TCF25: variants seen among roughly 807,000 people sequenced by gnomAD.
TCF25 encodes ribosome quality control complex subunit TCF25.
A neutral mutation model predicts 83.1 loss-of-function variants in TCF25; 41 were observed. The ratio of observed to expected loss-of-function variants is 0.49; its 90% CI spans 0.38 to 0.64. The LOEUF (loss-of-function observed/expected upper bound fraction) is 0.64. TCF25 is among the 30% of genes least tolerant of loss of function. The pLI is 0.00. For missense variants in TCF25, 979 were observed against 914.5 expected (o/e 1.07, Z -0.91); for synonymous variants, 458 against 365.0 (o/e 1.25, Z -2.90).
intron 15 of TCF25, among the ~76,000 whole-genome samples, chr16:89,906,585 T>C (rs2044804973): frequency 6.6e-6 from 1 of 152,198 alleles, no homozygotes; most frequent in East Asian, 1.9e-4. Flanking sequence ...GGGGATTCTC[T>C]GTAGTCGTGG....
At position 89,895,081 on chromosome 16, in the gene TCF25, A is replaced by C. The variant is rs2043745904; in HGVS notation, c.872A>C (p.Gln291Pro). 1 of 1,613,310 alleles carries C rather than the reference A, an allele frequency of 6.2e-7. No homozygotes were observed. ...TSPYHVDSLLQLSDACRFQED... is the reference protein window; with the variant it reads ...TSPYHVDSLLPLSDACRFQED... Reference sequence around the variant, plus strand: ...CCTTACCACGTTGACTCACTCCTGCAGCTCAGCGATGCCTGCCGCTTTCAA... The same window carrying C: ...CCTTACCACGTTGACTCACTCCTGCCGCTCAGCGATGCCTGCCGCTTTCAA... The change falls in exon 8 of 18, where the codon CAG becomes CCG. Residue 291 changes from glutamine (Q) to proline (P), a missense_variant. Physicochemically the swap from Gln to Pro is moderately conservative, Grantham distance 76. Transcript: ENST00000263346.
chr16:89,888,604 A>G (rs575667626), intron 5 of TCF25, among the ~76,000 whole-genome samples: 2 of 151,060 alleles, frequency 1.3e-5, no homozygotes, highest in Admixed American at 6.6e-5. Flanking sequence ...AAAAAAAAAG[A>G]TTCTAGTTTT....
chr16:89,893,651 C>A (rs112129263), intron 6 of TCF25, 77 bp from the exon 7 acceptor site: 1 of 1,605,968 alleles, frequency 6.2e-7, no homozygotes, highest in East Asian at 2.2e-5. Flanking sequence ...CAGAACACCA[C>A]GAAGGTGAGG....
intron 1 of TCF25, chr16:89,874,520 A>C (rs549069679): frequency 1.8e-4 from 27 of 152,748 alleles, no homozygotes; most frequent in African/African-American, 6.0e-4. Context: ...TGCCTAACCC[A>C]GGGCCTTGCT....
At chr16:89,908,609 C>G (rs1370572104) in intron 16 of TCF25, among the ~76,000 whole-genome samples, 2 of 88,316 alleles carry the variant, frequency 2.3e-5, no homozygotes, top group Admixed American at 1.1e-4. Context: ...CTCCCTCCTC[C>G]CAGCTCCCAC....
At chr16:89,877,242 T>C (rs1007055485) in intron 1 of TCF25, among the ~76,000 whole-genome samples, 2 of 152,132 alleles carry the variant, frequency 1.3e-5, no homozygotes, top group Non-Finnish European at 2.9e-5. Context: ...CTCGCTCTAT[T>C]GCCCAGGCTG....
intron 1 of TCF25, among the ~76,000 whole-genome samples, chr16:89,879,811 G>T (rs2042460808): frequency 1.5e-5 from 1 of 68,580 alleles, no homozygotes; most frequent in Non-Finnish European, 2.8e-5. Flanking sequence ...GGGCTTCGGG[G>T]CCTGTCACAC....
chr16:89,892,149 A>G, intron 5 of TCF25, 44 bp from the exon 6 acceptor site: 2 of 1,539,790 alleles, frequency 1.3e-6, no homozygotes, highest in East Asian at 2.4e-5. Context: ...TGGTCCCCAC[A>G]CGCCACAGGA....
chr16:89,901,110 A>ACCTGT, intron 12 of TCF25: 1 of 248,040 alleles, frequency 4.0e-6, no homozygotes, highest in Admixed American at 4.7e-5. Context: ...GGAGGAGAGC[A>ACCTGT]AAGCAGGGGA....
In TCF25 at chr16:89,900,641, C is replaced by T. The variant is rs146942308; in HGVS notation, c.1228C>T (p.Arg410Trp). 3.8e-6 allele frequency: 6 copies of T among 1,590,390 alleles called. No homozygotes were observed. The highest frequency in any genetic ancestry group is 2.3e-5 in the East Asian group (1 of 44,180). The change falls in exon 12 of 18, where the codon CGG (arginine) becomes TGG (tryptophan). Residue 410 changes from arginine to tryptophan, a missense_variant. Transcript: ENST00000263346. ...IRLFQEWEAH[R>W]NLSQLPNFAF... ...GTTTCTTCGTCCCTCGTAGGCTCAT[C>T]GGAACCTGTCCCAGCTCCCTAATTT...
intron 10 of TCF25, 58 bp from the exon 11 acceptor site, chr16:89,898,709 C>G: frequency 1.9e-6 from 3 of 1,611,846 alleles, no homozygotes; most frequent in Admixed American, 1.7e-5. Context: ...CAGGCCCACT[C>G]TCAGCCTGAC....
Position 89,885,977 on chromosome 16 carries a change from C to CGCCCTTCTCTGCGGCT in TCF25, c.548+71_548+86dup, listed in dbSNP as rs1164389931. The CGCCCTTCTCTGCGGCT allele has an allele frequency of 0.053, 80,686 of 1,512,268 alleles. 9,263 individuals are homozygous for CGCCCTTCTCTGCGGCT. Among genetic ancestry groups the CGCCCTTCTCTGCGGCT allele is most frequent in the African/African-American group, 0.12 (7,523 of 60,422 alleles). 93.7% of individuals were successfully genotyped at this position (1,512,268 alleles called of 1,614,324 possible). On this transcript the variant is annotated intron_variant, in intron 4 of 17. Coordinates refer to ENST00000263346, the MANE Select transcript of TCF25 (RefSeq NM_014972.3). ...CTACGTGGAGCACAGGTGTGGCCCC[C>CGCCCTTCTCTGCGGCT]GCCCTTCTCTGCGGCTGCCCTTCTC... is the stretch of plus-strand genomic sequence containing the variant.
chr16:89,885,311 C>T lies in TCF25; in HGVS notation c.430-537C>T, dbSNP rs182952083. Reference sequence around the variant, plus strand: ...CTGGTTGGCGCTCTGCTCTGTGTCTCTGTGGGAATGTGTGATCTGATGGGG... The same window carrying T: ...CTGGTTGGCGCTCTGCTCTGTGTCTTTGTGGGAATGTGTGATCTGATGGGG... On this transcript the variant is annotated intron_variant, in intron 3 of 17. Coordinates refer to ENST00000263346, the MANE Select transcript of TCF25 (RefSeq NM_014972.3). 3.4e-3 allele frequency among the ~76,000 whole-genome samples: 515 copies of T among 152,300 alleles called. 3 individuals carry two copies. The highest frequency in any genetic ancestry group is 5.7e-3 in the Non-Finnish European group (391 of 68,034).
At chr16:89,873,989 C>G in intron 1 of TCF25, 130 bp downstream of exon 1, 1 of 1,139,068 alleles carries the variant, frequency 8.8e-7, no homozygotes, top group Non-Finnish European at 1.2e-6. Context: ...GTCCCAGCCG[C>G]AGTGGGGAGG....
Position 89,900,774 on chromosome 16 carries a change from C to T in TCF25, c.1361C>T (p.Ala454Val), listed in dbSNP as rs927015125. 6.9e-6 allele frequency: 11 copies of T among 1,584,816 alleles called. No homozygotes were observed. Among genetic ancestry groups the T allele is most frequent in the African/African-American group, 2.7e-5 (2 of 74,500 alleles). ...AAGGCCTCTCTCCTGATACAGCAGG[C>T]GCTCACCATGTTCCCTGGAGGTGAG... ...RQKASLLIQQ[A>V]LTMFPGVLLP... Residue 454 changes from alanine to valine, a missense_variant, in exon 12 of 18, where the codon GCG becomes GTG. Coordinates refer to ENST00000263346, the MANE Select transcript of TCF25 (RefSeq NM_014972.3).
intron 5 of TCF25, among the ~76,000 whole-genome samples, chr16:89,889,033 C>T (rs1163750224): frequency 6.6e-6 from 1 of 151,540 alleles, no homozygotes; most frequent in African/African-American, 2.4e-5. Context: ...AGCAGTTGGG[C>T]AGCCCCAGAT....
Position 89,906,268 on chromosome 16 carries a change from T to G in TCF25, c.1703T>G (p.Val568Gly). 1 of 1,613,166 alleles carries G rather than the reference T, an allele frequency of 6.2e-7. No individual in the cohort carries two copies. The highest frequency in any genetic ancestry group is 8.5e-7 in the Non-Finnish European group (1 of 1,179,954). ...ATCCTCTCTGAGATCAAGGAAGCCG[T>G]CGCTGCCCTGCCCCCGGTAAGGGAG... The part of the protein sequence containing the change: ...HVILSEIKEA[V>G]AALPPDVTTQ... Residue 568 changes from valine (V) to glycine (G), a missense_variant, in exon 15 of 18, where the codon GTC becomes GGC. Coordinates refer to ENST00000263346, the MANE Select transcript of TCF25 (RefSeq NM_014972.3).
At chr16:89,895,690 C>G (rs1021798480) in intron 8 of TCF25, among the ~76,000 whole-genome samples, 3 of 152,248 alleles carry the variant, frequency 2.0e-5, no homozygotes, top group Non-Finnish European at 4.4e-5. Context: ...AGCATGCACA[C>G]GCAGTCTTAG....
chr16:89,901,463 C>CTCCGAGG (rs1567729257), intron 12 of TCF25, among the ~76,000 whole-genome samples: 102 of 146,810 alleles, frequency 6.9e-4, no homozygotes, highest in East Asian at 2.7e-3. Flanking sequence ...GACGGGCCTC[C>CTCCGAGG]GGCCGGGCGC....
Sources: allele counts gnomAD v4.1 joint callset (sites outside exome capture counted in the v4.1 genomes callset), GRCh38; gene constraint gnomAD v4.1.1; transcripts MANE v1.5; gene names NCBI Gene and HGNC (gene_info 2026-07-23, HGNC 2026-07-21).